Variants in SYNPO observed in about 807,000 individuals in gnomAD.
The protein encoded by SYNPO is synaptopodin.
Under a neutral mutation model 49.5 loss-of-function variants are expected in SYNPO, and 19 were observed. That is an observed-to-expected ratio of 0.38 (90% confidence interval 0.27 to 0.56). SYNPO has a LOEUF of 0.56. Among genes scored for constraint, SYNPO ranks in the 20% least tolerant of loss-of-function variants. The pLI is 0.68. For synonymous variants in SYNPO, 536 were observed against 548.0 expected (o/e 0.98, Z 0.31); for missense variants, 1,131 against 1,248.3 (o/e 0.91, Z 1.42).
At chr5:150,590,867 G>A in the SYNPO span, among the ~76,000 whole-genome samples, 2 of 152,176 alleles carry the variant, frequency 1.3e-5, no homozygotes, top group Non-Finnish European at 2.9e-5. Flanking sequence ...GAAGAGGCTG[G>A]TGCAGCATAG....
At position 150,602,997 on chromosome 5, in the gene SYNPO, G is replaced by GGTGTGTGTGTGTGTGTGT. The variant is rs3062133; in HGVS notation, c.-266+1837_-266+1854dup. The stretch of plus-strand genomic sequence containing the variant: ...GTGGAAAGCCCAGTTGCCACCTTAG[G>GGTGTGTGTGTGTGTGTGT]GTGTGTGTGTGTGTGTGTGTGTGTG... On this transcript the variant is annotated intron_variant, in intron 1 of 2. Coordinates refer to the SYNPO transcript ENST00000394243. Among the ~76,000 whole-genome samples, 147 of 131,244 alleles carry GGTGTGTGTGTGTGTGTGT rather than the reference G, an allele frequency of 1.1e-3. 1 individual carries two copies. The highest frequency in any genetic ancestry group is 3.8e-3 in the African/African-American group (127 of 33,804). 86.1% of individuals were successfully genotyped at this position (131,244 alleles called of 152,430 possible). A position where few individuals can be genotyped will look rare whatever the true frequency, so the allele number is the denominator to read the frequency against.
chr5:150,655,996 T>C (rs1343838658), intron 2 of SYNPO, among the ~76,000 whole-genome samples: 2 of 152,238 alleles, frequency 1.3e-5, no homozygotes, highest in Non-Finnish European at 2.9e-5. Flanking sequence ...GAGCACTTTC[T>C]TCCAAGGAAT....
intron 2 of SYNPO, among the ~76,000 whole-genome samples, chr5:150,655,415 A>C (rs1758518053): frequency 6.6e-6 from 1 of 152,106 alleles, no homozygotes; most frequent in African/African-American, 2.4e-5. Flanking sequence ...GCCCTGAGAC[A>C]CTAGTCTCAG....
chr5:150,596,215 C>T (rs1756422026), upstream of SYNPO, among the ~76,000 whole-genome samples: 1 of 152,136 alleles, frequency 6.6e-6, no homozygotes, highest in Admixed American at 6.5e-5. Context: ...GATAGAGATT[C>T]CTGGGGGAGG....
At chr5:150,643,171 C>T (rs1373202024) in intron 1 of SYNPO, among the ~76,000 whole-genome samples, 5 of 152,158 alleles carry the variant, frequency 3.3e-5, no homozygotes, top group Admixed American at 1.3e-4. Context: ...AGGTGGGAAC[C>T]GGCCAGCCAG....
At chr5:150,610,657 TG>T (rs1216370984) in intron 1 of SYNPO, among the ~76,000 whole-genome samples, 1 of 151,854 alleles carries the variant, frequency 6.6e-6, no homozygotes, top group Middle Eastern at 3.2e-3. Context: ...CTATTGAGCA[TG>T]TACACAGGTT....
rs748114423 is a variant in SYNPO at position 150,650,119 on chromosome 5, G to C, written c.1844G>C (p.Arg615Pro). 1.2e-6 allele frequency: 2 copies of C among 1,612,470 alleles called. No homozygotes were observed. The highest frequency in any genetic ancestry group is 1.3e-5 in the African/African-American group (1 of 74,522). The change falls in exon 2 of 3, where the codon CGG (arginine) becomes CCG (proline). Residue 615 changes from arginine to proline, a missense_variant. Arg to Pro is a moderately radical substitution (Grantham distance 103). This residue lies in a region of SYNPO where 509 missense variants were observed against 484.5 expected (regional missense o/e 1.05). Transcript: ENST00000307662. ...GALPPSPALP[R>P]PSRSSPGLYT... Reference sequence around the variant, plus strand: ...CTCCCTCCATCTCCTGCCCTGCCTCGGCCCTCGCGCTCCTCACCGGGCCTC... The same window carrying C: ...CTCCCTCCATCTCCTGCCCTGCCTCCGCCCTCGCGCTCCTCACCGGGCCTC...
rs552482962 is a variant in SYNPO, at chr5:150,612,604, C to A, written c.-265-5499C>A. ...TAGCTGTGTGAGCTTGGCAAGTCAT[C>A]GCAGCTCCATTTCCTTATCTGCACA... On this transcript the variant is annotated intron_variant, in intron 1 of 2. Transcript: ENST00000394243. 9.9e-5 allele frequency among the ~76,000 whole-genome samples: 15 copies of A among 152,276 alleles called. No homozygotes were observed. The South Asian group carries it at 2.9e-3, about 29-fold the overall frequency.
intron 1 of SYNPO, among the ~76,000 whole-genome samples, chr5:150,603,719 A>G (rs1464968388): frequency 2.0e-5 from 3 of 152,160 alleles, no homozygotes; most frequent in Admixed American, 6.5e-5. Flanking sequence ...GGTGAGGCAG[A>G]GATGCAGAGG....
intron 2 of SYNPO, chr5:150,624,693 C>T (rs1216336761): frequency 8.8e-6 from 3 of 340,434 alleles, no homozygotes; most frequent in East Asian, 1.7e-4. Flanking sequence ...GCCCGCCCGC[C>T]CGCCCAGCGC....
chr5:150,656,503 C>A lies in SYNPO; in HGVS notation c.2128C>A (p.Pro710Thr). ...DGWVSPGPWE[P>T]GRGSSMSSPP... ...CTGGGTGAGCCCGGGCCCGTGGGAG[C>A]CAGGTCGCGGGAGCAGCATGAGCAG... Residue 710 changes from proline to threonine, a missense_variant, in exon 3 of 3, where the codon CCA (proline) becomes ACA (threonine). Pro to Thr is a conservative substitution (Grantham distance 38). Transcript: ENST00000307662. 1 of 1,532,146 alleles carries A rather than the reference C, an allele frequency of 6.5e-7. No individual in the cohort carries two copies. Among genetic ancestry groups the A allele is most frequent in the Non-Finnish European group, 8.7e-7 (1 of 1,145,426 alleles). The allele number at this position is 1,532,146 out of a possible 1,614,324, so 94.9% of individuals were successfully genotyped here. A position where few individuals can be genotyped will look rare whatever the true frequency, so the allele number is the denominator to read the frequency against.
In SYNPO at chr5:150,648,269, C is replaced by T. The variant is rs370835156; in HGVS notation, c.-7C>T. The T allele has an allele frequency of 6.2e-7, 1 of 1,614,042 alleles. No individual in the cohort carries two copies. The highest frequency in any genetic ancestry group is 1.3e-5 in the African/African-American group (1 of 74,916). On this transcript the variant is annotated 5_prime_UTR_variant, in exon 2 of 3. Coordinates refer to ENST00000307662, the MANE Select transcript of SYNPO (RefSeq NM_007286.6). The surrounding 1 kb of genome is among the most constrained non-coding windows in gnomAD (Gnocchi z 5.0). ...AGAGCCCCGACAGAGGGGTCCCTGG[C>T]CACAGCATGGAGGGGTACTCAGAGG...
At chr5:150,599,226 A>T (rs1756477791), upstream of SYNPO, among the ~76,000 whole-genome samples, 1 of 152,258 alleles carries the variant, frequency 6.6e-6, no homozygotes. Flanking sequence ...AGTTGAGTGA[A>T]ACGACGATCT....
At chr5:150,601,472 G>C (rs545838334) in intron 1 of SYNPO, among the ~76,000 whole-genome samples, 1 of 152,266 alleles carries the variant, frequency 6.6e-6, no homozygotes, top group East Asian at 1.9e-4. Flanking sequence ...TGTGCCCCAG[G>C]GTGGGTGAGG....
chr5:150,616,713 T>A (rs10053114), intron 1 of SYNPO, among the ~76,000 whole-genome samples: 1 of 152,020 alleles, frequency 6.6e-6, no homozygotes, highest in African/African-American at 2.4e-5. Context: ...TAACAAAATC[T>A]CTGTCACCAG....
At chr5:150,639,947 G>C (rs1757841798), upstream of SYNPO, 1 of 166,068 alleles carries the variant, frequency 6.0e-6, no homozygotes, top group African/African-American at 2.4e-5. Context: ...GACTGGCCCT[G>C]CACTGGGCAT....
At chr5:150,587,063 G>T in the SYNPO span, among the ~76,000 whole-genome samples, 1 of 152,198 alleles carries the variant, frequency 6.6e-6, no homozygotes, top group Non-Finnish European at 1.5e-5. Context: ...TGGATTCATG[G>T]ATGTATATAT....
intron 2 of SYNPO, among the ~76,000 whole-genome samples, chr5:150,630,527 A>C (rs1452318137): frequency 1.1e-4 from 17 of 151,998 alleles, no homozygotes; most frequent in Admixed American, 1.1e-3. Flanking sequence ...GAGTTGGGGG[A>C]TGGGGAGAGT....
At chr5:150,600,373 C>T (rs1756499353), upstream of SYNPO, among the ~76,000 whole-genome samples, 1 of 152,254 alleles carries the variant, frequency 6.6e-6, no homozygotes, top group Admixed American at 6.5e-5. Flanking sequence ...ACACAACAGC[C>T]CTCCCTCTGG....
Sources: allele counts gnomAD v4.1 joint callset (sites outside exome capture counted in the v4.1 genomes callset), GRCh38; gene constraint gnomAD v4.1.1; regional missense constraint gnomAD v4.1.1; non-coding constraint Gnocchi (gnomAD v3.1); transcripts MANE v1.5; gene names NCBI Gene and HGNC (gene_info 2026-07-23, HGNC 2026-07-21).